The following KCNQ1 variants were observed in gnomAD, a reference collection of about 807,000 sequenced individuals.
KCNQ1 encodes the protein potassium voltage-gated channel subfamily KQT member 1.
A neutral mutation model predicts 72.4 loss-of-function variants in KCNQ1; 49 were observed. The observed-to-expected ratio is 0.68, with a 90% CI of 0.54 to 0.86. The LOEUF (loss-of-function observed/expected upper bound fraction) is 0.86. KCNQ1 is among the 40% of genes least tolerant of loss of function. KCNQ1 has a pLI of 0.00. For missense variants in KCNQ1, 790 were observed against 945.1 expected (o/e 0.84, Z 2.15); for synonymous variants, 450 against 412.6 (o/e 1.09, Z -1.10).
chr11:2,614,340 T>G lies in KCNQ1; in HGVS notation c.1393+25486T>G, dbSNP rs1849026274. On this transcript the variant is annotated intron_variant, in intron 10 of 15. Coordinates refer to ENST00000155840, the MANE Select transcript of KCNQ1 (RefSeq NM_000218.3). ...ATTCTGTCTGTGCTGCTTTTTAGTC[T>G]TCTGTGCACCCTTTAAATTTTTTAA... 4 of 398,444 alleles carry G rather than the reference T, an allele frequency of 1.0e-5. No homozygotes were observed. The Admixed American group carries it at 1.8e-4, about 18-fold the overall frequency. 24.7% of individuals were successfully genotyped at this position (398,444 alleles called of 1,614,324 possible). A position where few individuals can be genotyped will look rare whatever the true frequency, so the allele number is the denominator to read the frequency against.
At position 2,651,335 on chromosome 11, in the gene KCNQ1, G is replaced by C; in HGVS notation, c.1394-10626G>C. 2.5e-6 allele frequency: 1 copy of C among 398,732 alleles called. No homozygotes were observed. The highest frequency in any genetic ancestry group is 4.4e-5 in the Admixed American group (1 of 22,748). The allele number at this position is 398,732 out of a possible 1,614,324, so 24.7% of individuals were successfully genotyped here. On this transcript the variant is annotated intron_variant, in intron 10 of 15. Coordinates refer to ENST00000155840, the MANE Select transcript of KCNQ1 (RefSeq NM_000218.3). This position sits in a 1 kb window ranked among gnomAD's most constrained non-coding sequence, Gnocchi z 6.1. The stretch of plus-strand genomic sequence containing the variant: ...CAGAACACTCCTCAGAGTTCTACAA[G>C]CGGCTGAGAGAGCTGGGGTATTTAT...
chr11:2,738,061 G>C (rs1845988318), intron 11 of KCNQ1, among the ~76,000 whole-genome samples: 1 of 152,220 alleles, frequency 6.6e-6, no homozygotes, highest in African/African-American at 2.4e-5. Context: ...GCCGAGCCTG[G>C]CCTGGACTGC....
At position 2,768,985 on chromosome 11, in the gene KCNQ1, C is replaced by T; in HGVS notation, c.1590+66C>T. 7.6e-7 allele frequency: 1 copy of T among 1,320,054 alleles called. No individual in the cohort carries two copies. The highest frequency in any genetic ancestry group is 1.2e-5 in the South Asian group (1 of 84,438). The allele number at this position is 1,320,054 out of a possible 1,614,324, so 81.8% of individuals were successfully genotyped here. ...TCGCAGCCTGATGCAGCTGCCCACA[C>T]CTCTCCTGGGTTCTCTCCTGCCCAT... On this transcript the variant is annotated intron_variant, in intron 12 of 15. Coordinates refer to ENST00000155840, the MANE Select transcript of KCNQ1 (RefSeq NM_000218.3). This position sits in a 1 kb window ranked among gnomAD's most constrained non-coding sequence, Gnocchi z 6.7.
rs961251959 is a variant in KCNQ1, at chr11:2,497,818, T to A, written c.387-30110T>A. Among the ~76,000 whole-genome samples, 2 of 152,224 alleles carry A rather than the reference T, an allele frequency of 1.3e-5. No homozygotes were observed. Among genetic ancestry groups the A allele is most frequent in the African/African-American group, 4.8e-5 (2 of 41,460 alleles). On this transcript the variant is annotated intron_variant, in intron 1 of 15. Coordinates refer to ENST00000155840, the MANE Select transcript of KCNQ1 (RefSeq NM_000218.3). The surrounding 1 kb of genome is among the most constrained non-coding windows in gnomAD (Gnocchi z 4.5). ...TCTTTGTGGATTTATCTGCCTTTGC[T>A]CTTTGAGGCTGATGACCTTTGGATG...
chr11:2,798,562 AAT>A (rs1847190248), intron 15 of KCNQ1, among the ~76,000 whole-genome samples: 1 of 151,652 alleles, frequency 6.6e-6, no homozygotes, highest in Non-Finnish European at 1.5e-5. Flanking sequence ...AAAAAAAAAA[AAT>A]ACCCACTCTA....
At chr11:2,833,639 C>T (rs1564909978) in intron 15 of KCNQ1, among the ~76,000 whole-genome samples, 2 of 152,204 alleles carry the variant, frequency 1.3e-5, no homozygotes, top group Non-Finnish European at 2.9e-5. Flanking sequence ...ATTTGCAGCC[C>T]CTGTCTTGCA....
chr11:2,586,269 C>T (rs953280730), intron 8 of KCNQ1, among the ~76,000 whole-genome samples: 1 of 152,232 alleles, frequency 6.6e-6, no homozygotes, highest in African/African-American at 2.4e-5. Flanking sequence ...GCTCGCTGCC[C>T]CAGGCAAGGC....
chr11:2,840,445 G>A (rs1436960680), intron 15 of KCNQ1: 1 of 152,164 alleles, frequency 6.6e-6, no homozygotes, highest in Non-Finnish European at 1.5e-5. Context: ...AGGATAACCT[G>A]CAAAAGTAAG....
chr11:2,540,145 T>G (rs1216994952), intron 2 of KCNQ1, among the ~76,000 whole-genome samples: 1 of 152,108 alleles, frequency 6.6e-6, no homozygotes, highest in East Asian at 1.9e-4. Flanking sequence ...CCACCCGCTG[T>G]GTCCCTGAAC....
At chr11:2,733,622 G>A (rs1307928578) in intron 11 of KCNQ1, among the ~76,000 whole-genome samples, 1 of 152,084 alleles carries the variant, frequency 6.6e-6, no homozygotes, top group East Asian at 1.9e-4. Context: ...TGGGCACCTT[G>A]AGAGGAAGAA....
intron 10 of KCNQ1, among the ~76,000 whole-genome samples, chr11:2,597,463 C>T (rs538104089): frequency 3.0e-4 from 45 of 152,188 alleles, no homozygotes; most frequent in African/African-American, 9.9e-4. Flanking sequence ...AGTATCATAT[C>T]TCCGTTAAAC....
At chr11:2,519,972 C>T (rs868043470) in intron 1 of KCNQ1, among the ~76,000 whole-genome samples, 2 of 152,228 alleles carry the variant, frequency 1.3e-5, no homozygotes, top group Non-Finnish European at 2.9e-5. Context: ...CTGCACAGCA[C>T]GGGAGTGATG....
Position 2,847,917 on chromosome 11 carries a change from G to A in KCNQ1, c.1945G>A (p.Asp649Asn), listed in dbSNP as rs781333509. 2.3e-5 allele frequency: 36 copies of A among 1,575,568 alleles called. No individual in the cohort carries two copies. The highest frequency in any genetic ancestry group is 4.1e-5 in the African/African-American group (3 of 74,026). ...TQPCGSGGSV[D>N]PELFLPSNTL... ...GCCCTGCGGCAGTGGCGGCTCCGTC[G>A]ACCCTGAGCTCTTCCTGCCCAGCAA... Residue 649 changes from aspartate to asparagine, a missense_variant, in exon 16 of 16, where the codon GAC (aspartate) becomes AAC (asparagine). By Grantham distance (23) the Asp-to-Asn change is conservative. This residue lies in a region of KCNQ1 where 94 missense variants were observed against 85.2 expected (regional missense o/e 1.10). Transcript: ENST00000155840.
In KCNQ1 at chr11:2,494,395, TG is replaced by T. The variant is rs1197306935; in HGVS notation, c.387-33531del. Among the ~76,000 whole-genome samples the T allele has an allele frequency of 6.6e-6, 1 of 152,160 alleles. No homozygotes were observed. The highest frequency in any genetic ancestry group is 2.4e-5 in the African/African-American group (1 of 41,494). On this transcript the variant is annotated intron_variant, in intron 1 of 15. Transcript: ENST00000155840. The surrounding 1 kb of genome is among the most constrained non-coding windows in gnomAD (Gnocchi z 4.6). ...CTTCCAATACTATGTTGAATGGGAG[TG>T]GTGAGAGAGGGCATCCTTGTCTTGT...
chr11:2,841,716 G>A lies in KCNQ1; in HGVS notation c.1795-6051G>A, dbSNP rs115788199. On this transcript the variant is annotated intron_variant, in intron 15 of 15. Coordinates refer to ENST00000155840, the MANE Select transcript of KCNQ1 (RefSeq NM_000218.3). ...CTAGCCGAGGTCCCAGGAAGGGAACGAGGGTCGTGTGGTGACGATCTTGAG... is the reference window on the plus strand; with the variant it reads ...CTAGCCGAGGTCCCAGGAAGGGAACAAGGGTCGTGTGGTGACGATCTTGAG... Among the ~76,000 whole-genome samples the A allele has an allele frequency of 6.2e-3, 951 of 152,322 alleles. 10 individuals are homozygous for A. The highest frequency in any genetic ancestry group is 0.022 in the African/African-American group (907 of 41,570).
At chr11:2,709,220 G>GCCCCCCCC (rs34617956) in intron 11 of KCNQ1, among the ~76,000 whole-genome samples, 14 of 130,142 alleles carry the variant, frequency 1.1e-4, no homozygotes, top group South Asian at 5.8e-4. Flanking sequence ...CGGCTTCCAG[G>GCCCCCCCC]CCCCCCCCAC....
At chr11:2,476,941 G>A (rs1054319574) in intron 1 of KCNQ1, among the ~76,000 whole-genome samples, 2 of 152,146 alleles carry the variant, frequency 1.3e-5, no homozygotes, top group Non-Finnish European at 1.5e-5. Context: ...CACCCACCTC[G>A]GCCTCCCAAA....
Position 2,659,999 on chromosome 11 carries a change from A to C in KCNQ1, c.1394-1962A>C. 2.5e-6 allele frequency: 1 copy of C among 398,404 alleles called. No homozygotes were observed. Among genetic ancestry groups the C allele is most frequent in the Non-Finnish European group, 4.4e-6 (1 of 225,980 alleles). 24.7% of individuals were successfully genotyped at this position (398,404 alleles called of 1,614,324 possible). ...TTCCAAGTCTGTGCTTTGTCTTTTC[A>C]TTCCATTAGCAGTGTCTGTTGCACA... On this transcript the variant is annotated intron_variant, in intron 10 of 15. Transcript: ENST00000155840. The surrounding 1 kb of genome is among the most constrained non-coding windows in gnomAD (Gnocchi z 4.3).
intron 8 of KCNQ1, 111 bp downstream of exon 8, chr11:2,585,418 T>A: frequency 2.0e-6 from 2 of 1,007,230 alleles, no homozygotes; most frequent in Non-Finnish European, 3.0e-6. Context: ...TCAGCTTGGC[T>A]GGCCTGTGGG....
Sources: allele counts gnomAD v4.1 joint callset (sites outside exome capture counted in the v4.1 genomes callset), GRCh38; gene constraint gnomAD v4.1.1; regional missense constraint gnomAD v4.1.1; non-coding constraint Gnocchi (gnomAD v3.1); transcripts MANE v1.5; gene names NCBI Gene and HGNC (gene_info 2026-07-23, HGNC 2026-07-21).